The following MTHFD2L variants were observed in gnomAD, a reference collection of about 807,000 sequenced individuals.
MTHFD2L encodes bifunctional methylenetetrahydrofolate dehydrogenase/cyclohydrolase 2, mitochondrial.
MTHFD2L carries 29 observed loss-of-function variants against 34.9 expected under a neutral mutation model. The ratio of observed to expected loss-of-function variants is 0.83; its 90% CI spans 0.62 to 1.13. The LOEUF (loss-of-function observed/expected upper bound fraction) is 1.13, where lower values mean the gene tolerates loss of function less well. MTHFD2L is among the 50% of genes most tolerant of loss of function. MTHFD2L has a pLI of 0.00. For synonymous variants in MTHFD2L, 167 were observed against 155.7 expected (o/e 1.07, Z -0.54); for missense variants, 481 against 446.5 (o/e 1.08, Z -0.70).
rs1188949924 is a variant in MTHFD2L, at chr4:74,302,294, ATATTGAAAATATTAT to A, written c.*497_*511del. 4 of 152,270 alleles carry A rather than the reference ATATTGAAAATATTAT, an allele frequency of 2.6e-5. No homozygotes were observed. The East Asian group carries it at 5.8e-4, about 22-fold the overall frequency. 9.4% of individuals were successfully genotyped at this position (152,270 alleles called of 1,614,324 possible). ...CAAGAAAAATATTGAAATATTGAAA[ATATTGAAAATATTAT>A]TATTGAAAATAAAATCTTGATCTCA... is the stretch of plus-strand genomic sequence containing the variant. On this transcript the variant is annotated 3_prime_UTR_variant, in exon 8 of 8. Transcript: ENST00000325278.
upstream of MTHFD2L, chr4:74,156,619 A>G (rs1724280997): frequency 6.6e-6 from 1 of 152,176 alleles, no homozygotes; most frequent in Non-Finnish European, 1.5e-5. Context: ...TTAGCTTTGT[A>G]AGAATCTGCC....
chr4:74,121,232 A>T (rs1290942086), upstream of MTHFD2L, among the ~76,000 whole-genome samples: 2 of 152,172 alleles, frequency 1.3e-5, no homozygotes, highest in East Asian at 3.8e-4. Flanking sequence ...AAGTGAACTG[A>T]CTTTGTCCAT....
intron 6 of MTHFD2L, among the ~76,000 whole-genome samples, chr4:74,226,495 A>G (rs752952641): frequency 6.6e-6 from 1 of 152,156 alleles, no homozygotes; most frequent in Non-Finnish European, 1.5e-5. Context: ...ATTTCATAAG[A>G]TTAAATTTCT....
At chr4:74,277,207 C>T (rs1285903228) in intron 6 of MTHFD2L, among the ~76,000 whole-genome samples, 2 of 150,270 alleles carry the variant, frequency 1.3e-5, no homozygotes, top group Non-Finnish European at 3.0e-5. Flanking sequence ...AGCCTAGAAT[C>T]CTTGGTGAGC....
Position 74,230,217 on chromosome 4 carries a change from A to G in MTHFD2L, c.805+4823A>G, listed in dbSNP as rs568439573. On this transcript the variant is annotated intron_variant, in intron 6 of 7. Coordinates refer to ENST00000325278, the MANE Select transcript of MTHFD2L (RefSeq NM_001144978.3). Reference sequence around the variant, plus strand: ...TTGCTAAAGCAATAAAAAGTGAAATATTTATTCATGAAAGAGTAGTTCATG... The same window carrying G: ...TTGCTAAAGCAATAAAAAGTGAAATGTTTATTCATGAAAGAGTAGTTCATG... Among the ~76,000 whole-genome samples the G allele has an allele frequency of 1.6e-4, 25 of 152,298 alleles. No homozygotes were observed. In the South Asian group the frequency reaches 5.2e-3, roughly 32 times the overall value.
intron 3 of MTHFD2L, chr4:74,183,814 TC>T (rs1409239681): frequency 1.2e-4 from 2 of 16,816 alleles, no homozygotes; most frequent in African/African-American, 1.3e-4. Flanking sequence ...AATATATTGT[TC>T]TTATTCTTAT....
chr4:74,131,282 T>C (rs1722476488), intron 1 of MTHFD2L, among the ~76,000 whole-genome samples: 1 of 152,008 alleles, frequency 6.6e-6, no homozygotes, highest in Non-Finnish European at 1.5e-5. Flanking sequence ...GCCCAGACAA[T>C]CCTAAACAAA....
chr4:74,166,670 AC>A (rs199654481), intron 1 of MTHFD2L, among the ~76,000 whole-genome samples: 5,558 of 151,888 alleles, frequency 0.037, 129 homozygotes, highest in Non-Finnish European at 0.053. Flanking sequence ...CCCCACAGAC[AC>A]AGCTTGTAGG....
At chr4:74,267,006 G>A in intron 6 of MTHFD2L, 1 of 985,344 alleles carries the variant, frequency 1.0e-6, no homozygotes, top group Non-Finnish European at 1.2e-6. Context: ...GAACCTAAAG[G>A]GATTTGGCTG....
intron 5 of MTHFD2L, among the ~76,000 whole-genome samples, chr4:74,216,428 A>G (rs1476249274): frequency 6.6e-6 from 1 of 151,888 alleles, no homozygotes; most frequent in African/African-American, 2.4e-5. Flanking sequence ...AGAAGGCTCC[A>G]TGGAAAAATC....
intron 6 of MTHFD2L, among the ~76,000 whole-genome samples, chr4:74,235,945 C>T (rs1418216503): frequency 2.0e-5 from 3 of 151,984 alleles, no homozygotes; most frequent in African/African-American, 4.8e-5. Context: ...AAATTGTGTC[C>T]TAAAAATAAA....
intron 1 of MTHFD2L, among the ~76,000 whole-genome samples, chr4:74,150,533 C>A (rs1225098895): frequency 6.6e-6 from 1 of 152,152 alleles, no homozygotes; most frequent in East Asian, 1.9e-4. Flanking sequence ...GGATTACAGG[C>A]GTAAGCCACC....
intron 6 of MTHFD2L, among the ~76,000 whole-genome samples, chr4:74,246,049 C>A (rs1742392685): frequency 6.9e-6 from 1 of 145,318 alleles, no homozygotes; most frequent in Non-Finnish European, 1.5e-5. Context: ...TGAGGAATCA[C>A]CACAGTGACT....
At chr4:74,208,588 G>A (rs972667735) in intron 5 of MTHFD2L, among the ~76,000 whole-genome samples, 4 of 152,060 alleles carry the variant, frequency 2.6e-5, no homozygotes, top group African/African-American at 7.2e-5. Context: ...TTAGGTTTGT[G>A]GACACATAAA....
intron 5 of MTHFD2L, among the ~76,000 whole-genome samples, chr4:74,209,917 G>A (rs1220760087): frequency 6.6e-6 from 1 of 152,114 alleles, no homozygotes; most frequent in East Asian, 1.9e-4. Context: ...ATCTCATTGT[G>A]GTTTTGATTT....
At chr4:74,205,073 A>G (rs1200998328) in intron 5 of MTHFD2L, among the ~76,000 whole-genome samples, 1 of 152,198 alleles carries the variant, frequency 6.6e-6, no homozygotes, top group Non-Finnish European at 1.5e-5. Flanking sequence ...TGCCGTTAGA[A>G]TTACAGTAAC....
chr4:74,184,942 G>A (rs2032623832), intron 3 of MTHFD2L, among the ~76,000 whole-genome samples: 1 of 151,952 alleles, frequency 6.6e-6, no homozygotes, highest in Admixed American at 6.6e-5. Context: ...GAGATTAGTA[G>A]ATCGAGACCG....
intron 6 of MTHFD2L, among the ~76,000 whole-genome samples, chr4:74,280,661 C>A: frequency 6.6e-6 from 1 of 151,502 alleles, no homozygotes. Flanking sequence ...GGAACATTAA[C>A]CATTGTTAGC....
At chr4:74,279,723 T>C (rs1352722992) in intron 6 of MTHFD2L, among the ~76,000 whole-genome samples, 2 of 152,108 alleles carry the variant, frequency 1.3e-5, no homozygotes, top group Non-Finnish European at 2.9e-5. Context: ...CTTTTTCTAT[T>C]GGATGCCAAG....
Sources: allele counts gnomAD v4.1 joint callset (sites outside exome capture counted in the v4.1 genomes callset), GRCh38; gene constraint gnomAD v4.1.1; transcripts MANE v1.5; gene names NCBI Gene and HGNC (gene_info 2026-07-23, HGNC 2026-07-21).